RNF121: variants seen among roughly 807,000 people sequenced by gnomAD.
RNF121 encodes ring finger protein 121.
In RNF121, 21 loss-of-function variants were observed where a neutral mutation model predicts 46.5. That is an observed-to-expected ratio of 0.45 (90% confidence interval 0.32 to 0.65). The LOEUF is 0.65. Among genes scored for constraint, RNF121 ranks in the 30% least tolerant of loss-of-function variants. The pLI, the probability that RNF121 is intolerant of heterozygous loss-of-function variation, is 0.04. For synonymous variants in RNF121, 139 were observed against 144.7 expected, an observed-to-expected ratio of 0.96 and a Z score of 0.28; for missense variants, 346 against 416.0, an observed-to-expected ratio of 0.83 and a Z score of 1.46.
intron 1 of RNF121, among the ~76,000 whole-genome samples, chr11:71,951,844 A>G (rs1317397201): frequency 6.6e-6 from 1 of 152,146 alleles, no homozygotes; most frequent in African/African-American, 2.4e-5. Flanking sequence ...GGATATGGAG[A>G]AATTGGAACC....
At chr11:71,962,686 C>G (rs4479013) in intron 3 of RNF121, among the ~76,000 whole-genome samples, 135,209 of 152,204 alleles carry the variant, frequency 0.89, 60,309 homozygotes, top group Non-Finnish European at 0.94. Context: ...AAACTCATAT[C>G]TTTAGAAAAT....
In RNF121 at chr11:71,979,618, A is replaced by G. The variant is rs55724289; in HGVS notation, c.244-3143A>G. 3.3e-3 allele frequency among the ~76,000 whole-genome samples: 503 copies of G among 152,034 alleles called. 5 individuals carry two copies. Among genetic ancestry groups the G allele is most frequent in the African/African-American group, 0.012 (486 of 41,540 alleles). On this transcript the variant is annotated intron_variant, in intron 3 of 8. Coordinates refer to ENST00000361756, the MANE Select transcript of RNF121 (RefSeq NM_018320.5). Reference sequence around the variant, plus strand: ...TAATTGTGTCTTTGTCCAACTCAGAATAGAATCCAGGATCTCTGCTTCTCT... The same window carrying G: ...TAATTGTGTCTTTGTCCAACTCAGAGTAGAATCCAGGATCTCTGCTTCTCT...
chr11:71,952,192 A>G (rs1953897120), intron 1 of RNF121, among the ~76,000 whole-genome samples: 1 of 152,240 alleles, frequency 6.6e-6, no homozygotes, highest in Non-Finnish European at 1.5e-5. Context: ...TGAAAGAATT[A>G]TGCAAAGTGA....
intron 3 of RNF121, chr11:71,978,070 A>AT (rs112341777): frequency 0.025 from 6,441 of 262,526 alleles, 3 homozygotes; most frequent in South Asian, 0.043. Flanking sequence ...AATTTTTTGT[A>AT]TTTTTTTTTT....
chr11:71,948,776 C>T (rs1485632369), intron 1 of RNF121, among the ~76,000 whole-genome samples: 2 of 152,090 alleles, frequency 1.3e-5, no homozygotes, highest in Non-Finnish European at 2.9e-5. Flanking sequence ...GAATTCTTGG[C>T]AAAGCTGAGG....
intron 1 of RNF121, among the ~76,000 whole-genome samples, chr11:71,931,713 A>T (rs1287855053): frequency 2.0e-5 from 3 of 152,178 alleles, no homozygotes; most frequent in African/African-American, 4.8e-5. Flanking sequence ...GCAGTGGGGC[A>T]CAAGAGATCA....
intron 7 of RNF121, 38 bp from the exon 8 acceptor site, chr11:71,995,410 GCC>G: frequency 1.3e-6 from 2 of 1,510,168 alleles, no homozygotes; most frequent in South Asian, 2.4e-5. Context: ...CTGGAGTGCC[GCC>G]CTGGCTCTCA....
In RNF121 at chr11:71,950,445, G is replaced by A. The variant is rs150027243; in HGVS notation, c.64-6782G>A. 5.1e-3 allele frequency among the ~76,000 whole-genome samples: 774 copies of A among 151,942 alleles called. 10 individuals carry two copies. The highest frequency in any genetic ancestry group is 8.1e-3 in the Non-Finnish European group (551 of 67,956). On this transcript the variant is annotated intron_variant, in intron 1 of 8. Transcript: ENST00000361756. The stretch of plus-strand genomic sequence containing the variant: ...CTAAAAATACAAAAATTAGCCAGGC[G>A]TGATGGCTTGCACCTGTAATCCCAG...
chr11:71,968,350 G>C (rs753748023), intron 3 of RNF121, among the ~76,000 whole-genome samples: 1 of 152,100 alleles, frequency 6.6e-6, no homozygotes, highest in South Asian at 2.1e-4. Flanking sequence ...GTGAGCCACT[G>C]CCCCCAGCCC....
In RNF121 at chr11:71,966,405, G is replaced by A. The variant is rs73529874; in HGVS notation, c.243+5514G>A. ...AAGACTTCAGAAGCAAAACACATTG[G>A]TCCCCTGCCCAACTCTGTCAGTCGC... On this transcript the variant is annotated intron_variant, in intron 3 of 8. Transcript: ENST00000361756. Among the ~76,000 whole-genome samples, 1,441 of 152,110 alleles carry A rather than the reference G, an allele frequency of 9.5e-3. 13 individuals carry two copies. Among genetic ancestry groups the A allele is most frequent in the African/African-American group, 0.033 (1,376 of 41,496 alleles).
intron 1 of RNF121, among the ~76,000 whole-genome samples, chr11:71,942,423 T>A (rs74571183): frequency 9.9e-5 from 15 of 152,032 alleles, no homozygotes; most frequent in African/African-American, 3.6e-4. Context: ...GTTTTAGTCC[T>A]TTTGGGCTGC....
intron 3 of RNF121, among the ~76,000 whole-genome samples, chr11:71,965,310 G>A (rs1015518864): frequency 3.3e-5 from 5 of 149,640 alleles, no homozygotes; most frequent in Admixed American, 2.0e-4. Flanking sequence ...GAGTGCAGTG[G>A]TGTGATCTTG....
chr11:71,957,379 C>T (rs999366437), intron 2 of RNF121, 115 bp downstream of exon 2: 113 of 773,626 alleles, frequency 1.5e-4, no homozygotes, highest in Middle Eastern at 1.4e-3. Flanking sequence ...GGCTCATGAC[C>T]GGTAGGACTG....
chr11:71,942,780 A>ATT (rs1235250309), intron 1 of RNF121, among the ~76,000 whole-genome samples: 1 of 12,608 alleles, frequency 7.9e-5, no homozygotes, highest in African/African-American at 1.3e-4. Context: ...CTGTATATAT[A>ATT]TATATATATA....
intron 3 of RNF121, among the ~76,000 whole-genome samples, chr11:71,976,603 C>T (rs1954532215): frequency 6.6e-6 from 1 of 152,054 alleles, no homozygotes; most frequent in Non-Finnish European, 1.5e-5. Context: ...CGTGATCTGC[C>T]TGCCTCGGCC....
At chr11:71,933,973 C>T (rs965987502) in intron 1 of RNF121, among the ~76,000 whole-genome samples, 4 of 152,354 alleles carry the variant, frequency 2.6e-5, no homozygotes, top group African/African-American at 9.6e-5. Context: ...GTCTCTAGCT[C>T]TTTCTGGCTC....
intron 3 of RNF121, among the ~76,000 whole-genome samples, chr11:71,966,039 G>A (rs1954268263): frequency 6.6e-6 from 1 of 151,988 alleles, no homozygotes. Flanking sequence ...TTTTTTTTGA[G>A]ACAGAGTTTC....
intron 1 of RNF121, among the ~76,000 whole-genome samples, chr11:71,949,589 G>T (rs1394743699): frequency 6.6e-6 from 1 of 152,090 alleles, no homozygotes; most frequent in Admixed American, 6.5e-5. Context: ...GGTGGTGCGT[G>T]TCTATAATCC....
intron 1 of RNF121, among the ~76,000 whole-genome samples, chr11:71,942,327 T>G (rs2134154216): frequency 6.6e-6 from 1 of 152,234 alleles, no homozygotes; most frequent in African/African-American, 2.4e-5. Context: ...AAGAATGGAT[T>G]GTAGGAGGTG....
Sources: gnomAD v4.1 joint callset for allele counts (sites outside exome capture counted in the v4.1 genomes callset) on GRCh38, gnomAD v4.1.1 for gene constraint, MANE v1.5 for transcripts, NCBI Gene and HGNC (gene_info 2026-07-23, HGNC 2026-07-21) for gene names.